The following ERMP1 variants were observed in gnomAD, a reference collection of about 807,000 sequenced individuals.
ERMP1 encodes Felix-ina.
A neutral mutation model predicts 92.0 loss-of-function variants in ERMP1; 86 were observed. That is an observed-to-expected ratio of 0.93 (90% CI 0.79 to 1.12). ERMP1 has a LOEUF of 1.12. ERMP1 is among the 50% of genes most tolerant of loss of function. ERMP1 has a pLI of 0.00. For missense variants in ERMP1, 1,342 were observed against 1,116.3 expected (o/e 1.20, Z -2.88); for synonymous variants, 530 against 412.8 (o/e 1.28, Z -3.44).
chr9:5,857,294 T>C (rs1830388809), intron 6 of ERMP1, among the ~76,000 whole-genome samples: 2 of 152,196 alleles, frequency 1.3e-5, no homozygotes, highest in African/African-American at 4.8e-5. Context: ...AGTGCTGGGA[T>C]TACAGGCATG....
chr9:5,793,706 G>A (rs748678732), intron 13 of ERMP1, among the ~76,000 whole-genome samples: 1 of 152,078 alleles, frequency 6.6e-6, no homozygotes, highest in East Asian at 1.9e-4. Context: ...ATAAAGAGGG[G>A]CAATGCATAA....
rs778424080 is a variant in ERMP1 at position 5,832,809 on chromosome 9, G to T, written c.219C>A (p.Ala73=). The part of the protein sequence containing the change: ...GAGTGLSEVR[A]ALGLALYLIA... ...TCAGGTAGAGCGCGAGCCCCAGCGCGGCGCGCACCTCAGACAGCCCGGTCC... is the reference window on the plus strand; with the variant it reads ...TCAGGTAGAGCGCGAGCCCCAGCGCTGCGCGCACCTCAGACAGCCCGGTCC... Residue 73 remains alanine, a synonymous_variant, in exon 1 of 15, where the codon GCC becomes GCA. Coordinates refer to ENST00000339450, the MANE Select transcript of ERMP1 (RefSeq NM_024896.3). 6.7e-7 allele frequency: 1 copy of T among 1,501,320 alleles called. No homozygotes were observed. The highest frequency in any genetic ancestry group is 8.8e-7 in the Non-Finnish European group (1 of 1,133,396). The allele number at this position is 1,501,320 out of a possible 1,614,324, so 93.0% of individuals were successfully genotyped here.
rs187477317 is a variant in ERMP1 at position 5,786,041 on chromosome 9, A to T, written c.*1103T>A. 6.5e-4 allele frequency: 99 copies of T among 152,356 alleles called. No homozygotes were observed. The highest frequency in any genetic ancestry group is 2.3e-3 in the African/African-American group (94 of 41,592). 9.4% of individuals were successfully genotyped at this position (152,356 alleles called of 1,614,324 possible). ...CGCAGGATCTGAACCACCTACACGT[A>T]CAGTGGTCTCATTCCAGTATAAGCC... On this transcript the variant is annotated 3_prime_UTR_variant, in exon 15 of 15. Coordinates refer to ENST00000339450, the MANE Select transcript of ERMP1 (RefSeq NM_024896.3).
chr9:5,821,882 T>G (rs1048706577), intron 4 of ERMP1, among the ~76,000 whole-genome samples: 3 of 152,226 alleles, frequency 2.0e-5, no homozygotes, highest in Admixed American at 2.0e-4. Context: ...TCCTCTCTCC[T>G]TCAGAATTTT....
At chr9:5,789,098 A>G (rs994323507) in intron 13 of ERMP1, among the ~76,000 whole-genome samples, 3 of 152,196 alleles carry the variant, frequency 2.0e-5, no homozygotes, top group African/African-American at 7.2e-5. Flanking sequence ...CAGAACTAAT[A>G]TTTAAAACTG....
intron 4 of ERMP1, among the ~76,000 whole-genome samples, chr9:5,815,510 AAAAG>A (rs1407014149): frequency 2.1e-4 from 32 of 151,792 alleles, no homozygotes; most frequent in African/African-American, 7.7e-4. Flanking sequence ...AAAAAAAAAA[AAAAG>A]GAAAATGGAA....
chr9:5,866,263 T>A (rs557442303), intron 5 of ERMP1, among the ~76,000 whole-genome samples: 1 of 152,304 alleles, frequency 6.6e-6, no homozygotes, highest in South Asian at 2.1e-4. Flanking sequence ...GATTTCTAGA[T>A]CGAACAGGAT....
rs761551342 is a variant in ERMP1 at position 5,798,907 on chromosome 9, G to A, written c.2169C>T (p.Thr723=). Residue 723 remains threonine (T), a synonymous_variant, in exon 12 of 15, where the codon ACC becomes ACT. Coordinates refer to ENST00000339450, the MANE Select transcript of ERMP1 (RefSeq NM_024896.3). ...GFDYTGISHI[T]PHIPEINDSI... ...TATCATTGATCTCAGGAATGTGAGG[G>A]GTTATGTGAGAAATTCCAGTATAAT... 3 of 1,611,604 alleles carry A rather than the reference G, an allele frequency of 1.9e-6. No individual in the cohort carries two copies. Among genetic ancestry groups the A allele is most frequent in the African/African-American group, 2.7e-5 (2 of 74,872 alleles).
chr9:5,822,968 A>G (rs1390287775), intron 4 of ERMP1, among the ~76,000 whole-genome samples: 8 of 152,212 alleles, frequency 5.3e-5, no homozygotes. Flanking sequence ...ATATCCTTAG[A>G]AAAGTTTAAT....
At chr9:5,859,345 T>C (rs567926094) in intron 6 of ERMP1, among the ~76,000 whole-genome samples, 1 of 152,266 alleles carries the variant, frequency 6.6e-6, no homozygotes, top group African/African-American at 2.4e-5. Flanking sequence ...CCAACCCTCA[T>C]AACATTTAAA....
At chr9:5,863,689 T>C (rs146724982) in intron 5 of ERMP1, among the ~76,000 whole-genome samples, 2 of 152,316 alleles carry the variant, frequency 1.3e-5, no homozygotes, top group African/African-American at 4.8e-5. Flanking sequence ...GTGGAGCTTC[T>C]TGGAGCCTTC....
intron 1 of ERMP1, among the ~76,000 whole-genome samples, chr9:5,831,781 G>A (rs189120135): frequency 2.6e-5 from 4 of 152,222 alleles, no homozygotes; most frequent in Admixed American, 6.5e-5. Context: ...GATGGACCTA[G>A]CCCTCCTAGC....
chr9:5,843,432 C>T (rs957132600), intron 6 of ERMP1, among the ~76,000 whole-genome samples: 4 of 152,218 alleles, frequency 2.6e-5, no homozygotes, highest in African/African-American at 4.8e-5. Context: ...CAGTTTGAAG[C>T]CTCTGAGCCC....
intron 6 of ERMP1, among the ~76,000 whole-genome samples, chr9:5,847,913 GA>G (rs71487839): frequency 0.062 from 8,130 of 130,384 alleles, 258 homozygotes; most frequent in Middle Eastern, 0.15. Context: ...AAAAAGACAG[GA>G]AAAAAAAAAA....
At chr9:5,809,123 G>C (rs1436355894) in intron 8 of ERMP1, among the ~76,000 whole-genome samples, 1 of 152,138 alleles carries the variant, frequency 6.6e-6, no homozygotes, top group Non-Finnish European at 1.5e-5. Context: ...CCGGGTTCAC[G>C]CCATTCTCCT....
intron 13 of ERMP1, among the ~76,000 whole-genome samples, chr9:5,791,968 T>A (rs553171782): frequency 2.6e-5 from 4 of 152,186 alleles, no homozygotes; most frequent in Non-Finnish European, 5.9e-5. Context: ...GGATGGCAGT[T>A]GCTCACTTAA....
chr9:5,842,953 C>T (rs1313052640), intron 6 of ERMP1, among the ~76,000 whole-genome samples: 1 of 152,168 alleles, frequency 6.6e-6, no homozygotes, highest in East Asian at 1.9e-4. Context: ...ATATCCTAGC[C>T]AGAGATAAGG....
chr9:5,836,234 A>T (rs1002202007), upstream of ERMP1, among the ~76,000 whole-genome samples: 3 of 152,228 alleles, frequency 2.0e-5, no homozygotes, highest in Non-Finnish European at 2.9e-5. Flanking sequence ...CCCACAGGTC[A>T]TTCCATAGCC....
chr9:5,798,817 G>A lies in ERMP1; in HGVS notation c.2259C>T (p.His753=), dbSNP rs144247648. Residue 753 remains histidine, a synonymous_variant, in exon 12 of 15, where the codon CAC becomes CAT. Coordinates refer to ENST00000339450, the MANE Select transcript of ERMP1 (RefSeq NM_024896.3). The part of the protein sequence containing the change: ...LCGFPWYLPV[H]FLIRKNWYLP... ...AATAATGAACCAACCTGATCAGAAA[G>A]TGCACTGGAAGATACCAAGGAAAAC... 4.7e-5 allele frequency: 75 copies of A among 1,612,420 alleles called. No homozygotes were observed. The African/African-American group carries it at 9.1e-4, about 19-fold the overall frequency.
Sources: gnomAD v4.1 joint callset for allele counts (sites outside exome capture counted in the v4.1 genomes callset) on GRCh38, gnomAD v4.1.1 for gene constraint, MANE v1.5 for transcripts, NCBI Gene and HGNC (gene_info 2026-07-23, HGNC 2026-07-21) for gene names.